The following DOCK7 variants were observed in gnomAD, a reference collection of about 807,000 sequenced individuals.
DOCK7 encodes the protein dedicator of cytokinesis 7.
DOCK7 carries 138 observed loss-of-function variants against 271.0 expected under a neutral mutation model. The observed-to-expected ratio is 0.51, with a 90% CI of 0.44 to 0.59. The LOEUF is 0.59. Ranked by LOEUF, DOCK7 falls within the 20% of genes least tolerant of loss-of-function variation. The pLI is 0.00. For missense variants in DOCK7, 2,066 were observed against 2,592.4 expected (o/e 0.80, Z 4.41); for synonymous variants, 823 against 876.1 (o/e 0.94, Z 1.07).
chr1:62,519,647 T>C (rs1163559391), intron 31 of DOCK7, among the ~76,000 whole-genome samples: 1 of 152,058 alleles, frequency 6.6e-6, no homozygotes, highest in Non-Finnish European at 1.5e-5. Flanking sequence ...GAGAATGTAG[T>C]AGGCAATGTG....
intron 44 of DOCK7, among the ~76,000 whole-genome samples, chr1:62,476,761 T>A (rs1345565312): frequency 6.6e-6 from 1 of 152,180 alleles, no homozygotes; most frequent in Non-Finnish European, 1.5e-5. Context: ...AAAAATCGAA[T>A]TTGAATCTTC....
chr1:62,601,562 T>C (rs892416853), intron 14 of DOCK7, among the ~76,000 whole-genome samples: 1 of 151,582 alleles, frequency 6.6e-6, no homozygotes, highest in African/African-American at 2.4e-5. Context: ...CTCTAAAAAA[T>C]AATTAATTTT....
At chr1:62,468,087 G>A (rs1168001) in intron 48 of DOCK7, among the ~76,000 whole-genome samples, 86,995 of 151,994 alleles carry the variant, frequency 0.57, 26,691 homozygotes, top group East Asian at 0.76. Flanking sequence ...AAGGCCGGGC[G>A]CGGTGGCTCA....
intron 1 of DOCK7, among the ~76,000 whole-genome samples, chr1:62,674,041 C>T (rs536139468): frequency 3.3e-5 from 5 of 151,968 alleles, no homozygotes; most frequent in African/African-American, 7.3e-5. Flanking sequence ...AAAAATTATC[C>T]TGTATACAGA....
chr1:62,542,078 A>G (rs1031205517), intron 25 of DOCK7, among the ~76,000 whole-genome samples: 2 of 152,070 alleles, frequency 1.3e-5, no homozygotes, highest in Non-Finnish European at 2.9e-5. Flanking sequence ...GGCTCTTGCT[A>G]TGTTGCCCAG....
chr1:62,670,762 G>T (rs1454398359), intron 1 of DOCK7, among the ~76,000 whole-genome samples: 2 of 152,188 alleles, frequency 1.3e-5, no homozygotes, highest in Middle Eastern at 6.8e-3. Flanking sequence ...GACAAAACAG[G>T]CCACTCGACT....
intron 4 of DOCK7, among the ~76,000 whole-genome samples, chr1:62,650,518 T>C (rs937465632): frequency 3.3e-5 from 5 of 152,048 alleles, no homozygotes; most frequent in African/African-American, 7.2e-5. Context: ...ACCTACAGAA[T>C]GGGAGAAAAT....
chr1:62,531,242 C>T (rs753218473), intron 29 of DOCK7, among the ~76,000 whole-genome samples: 1 of 152,240 alleles, frequency 6.6e-6, no homozygotes, highest in Non-Finnish European at 1.5e-5. Context: ...TGCCTTATCT[C>T]TCAGCAGCTA....
rs1400892514 is a variant in DOCK7, at chr1:62,539,830, A to G, written c.3108T>C (p.Arg1036=). ...TGTCATCCATGAAACGTTCTGGAAA[A>G]CGACTTTTCCTTGGAGCCTCAAGTT... is the stretch of plus-strand genomic sequence containing the variant. ...NDKLEAPRKS[R]FPERFMDDIA... is the part of the protein sequence containing the mutation. Residue 1036 remains arginine (R), a synonymous_variant, in exon 26 of 50, where the codon CGT becomes CGC. Coordinates refer to ENST00000635253, the MANE Select transcript of DOCK7 (RefSeq NM_001367561.1). The G allele has an allele frequency of 7.4e-6, 12 of 1,613,724 alleles. No homozygotes were observed. The highest frequency in any genetic ancestry group is 1.3e-5 in the African/African-American group (1 of 74,912).
intron 29 of DOCK7, among the ~76,000 whole-genome samples, chr1:62,531,573 T>TTTTGCAGTCTTAACTTTCTGTTTTGCATA (rs1645175716): frequency 6.6e-6 from 1 of 152,242 alleles, no homozygotes; most frequent in African/African-American, 2.4e-5. Flanking sequence ...TTAATCATAG[T>TTTTGCAGTCTTAACTTTCTGTTTTGCATA]GTACTGTTTT....
chr1:62,605,704 T>C (rs773403619), intron 14 of DOCK7: 1 of 152,408 alleles, frequency 6.6e-6, no homozygotes, highest in Non-Finnish European at 1.5e-5. Context: ...ATAAACCTCG[T>C]AACAAGTTAC....
chr1:62,636,818 T>A (rs1655334665), intron 7 of DOCK7, among the ~76,000 whole-genome samples: 1 of 152,236 alleles, frequency 6.6e-6, no homozygotes, highest in Non-Finnish European at 1.5e-5. Flanking sequence ...CTAATTAATT[T>A]ATCCAGCTAC....
chr1:62,547,701 T>G (rs960858753), intron 22 of DOCK7, among the ~76,000 whole-genome samples: 1 of 152,184 alleles, frequency 6.6e-6, no homozygotes, highest in Non-Finnish European at 1.5e-5. Context: ...TAACCATGTA[T>G]TTACATAACT....
At chr1:62,676,309 A>G (rs1278616505) in intron 1 of DOCK7, among the ~76,000 whole-genome samples, 1 of 152,190 alleles carries the variant, frequency 6.6e-6, no homozygotes, top group Non-Finnish European at 1.5e-5. Flanking sequence ...TTTATGTGAA[A>G]TTTTCAGAAA....
chr1:62,473,873 C>A (rs143253060), intron 48 of DOCK7, 109 bp downstream of exon 48: 1 of 795,192 alleles, frequency 1.3e-6, no homozygotes, highest in Non-Finnish European at 2.0e-6. Context: ...GTGTAAGCCA[C>A]TGTGCCTAGC....
Position 62,477,737 on chromosome 1 carries a change from G to A in DOCK7, c.5597C>T (p.Ala1866Val). The A allele has an allele frequency of 6.2e-7, 1 of 1,609,458 alleles. No individual in the cohort carries two copies. The highest frequency in any genetic ancestry group is 8.5e-7 in the Non-Finnish European group (1 of 1,178,616). ...AGATATCTCTGCAAGTTTGGTTATT[G>A]CAGGCTCCTTGTAAACAAATTCTTG... ...DEQEFVYKEP[A>V]ITKLAEISHR... The change falls in exon 44 of 50, where the codon GCA (alanine) becomes GTA (valine). Residue 1866 changes from alanine (A) to valine (V), a missense_variant. By Grantham distance (64) the Ala-to-Val change is moderately conservative. This residue lies in a region of DOCK7 where 652 missense variants were observed against 922.1 expected (regional missense o/e 0.71). Coordinates refer to ENST00000635253, the MANE Select transcript of DOCK7 (RefSeq NM_001367561.1).
chr1:62,475,064 A>G (rs1645930994), intron 47 of DOCK7, 144 bp downstream of exon 47: 1 of 913,630 alleles, frequency 1.1e-6, no homozygotes, highest in Non-Finnish European at 1.6e-6. Context: ...TCTTAATAGA[A>G]TTTATAAGAT....
At chr1:62,625,118 TTTTA>T (rs1417256715) in intron 12 of DOCK7, 137 bp downstream of exon 12, 3 of 625,984 alleles carry the variant, frequency 4.8e-6, no homozygotes. Context: ...TTATAGTTGC[TTTTA>T]TTATTTTTAT....
intron 40 of DOCK7, among the ~76,000 whole-genome samples, chr1:62,493,314 A>G (rs1477583614): frequency 6.6e-6 from 1 of 152,232 alleles, no homozygotes; most frequent in Non-Finnish European, 1.5e-5. Context: ...TTTCTAAAAA[A>G]GAAATGATAC....
Sources: allele counts gnomAD v4.1 joint callset (sites outside exome capture counted in the v4.1 genomes callset), GRCh38; gene constraint gnomAD v4.1.1; regional missense constraint gnomAD v4.1.1; transcripts MANE v1.5; gene names NCBI Gene and HGNC (gene_info 2026-07-23, HGNC 2026-07-21).